Variants in FAAP24 observed in about 807,000 individuals in gnomAD.
The protein encoded by FAAP24 is FA core complex associated protein 24, also known as Fanconi anemia core complex-associated protein 24.
FAAP24 carries 16 observed loss-of-function variants against 14.3 expected under a neutral mutation model. The ratio of observed to expected loss-of-function variants is 1.12; its 90% CI spans 0.76 to 1.69. The LOEUF (loss-of-function observed/expected upper bound fraction) is 1.69, where lower values mean the gene tolerates loss of function less well. FAAP24 is among the 40% of genes most tolerant of loss of function. The pLI is 0.00. For missense variants in FAAP24, 234 were observed against 262.7 expected (o/e 0.89, Z 0.75); for synonymous variants, 111 against 106.2 (o/e 1.04, Z -0.28).
intron 4 of FAAP24, among the ~76,000 whole-genome samples, chr19:32,974,870 GT>G (rs67649404): frequency 0.87 from 131,028 of 149,922 alleles, 57,219 homozygotes; most frequent in South Asian, 0.95. Context: ...CCTTGTGCAA[GT>G]TTTTTTTTTT....
At position 32,977,703 on chromosome 19, in the gene FAAP24, A is replaced by G. The variant is rs1233373603; in HGVS notation, c.*1021A>G. On this transcript the variant is annotated 3_prime_UTR_variant, in exon 5 of 5. Coordinates refer to ENST00000588258, the MANE Select transcript of FAAP24 (RefSeq NM_152266.5). ...TGGGAGGCCAAGGGGGGTGAATCAC[A>G]AGGTCAGGAGATCCAGACCATCCTG... 9.1e-6 allele frequency: 3 copies of G among 330,458 alleles called. No individual in the cohort carries two copies. The highest frequency in any genetic ancestry group is 1.6e-5 in the Non-Finnish European group (3 of 184,540). The allele number at this position is 330,458 out of a possible 1,614,324, so 20.5% of individuals were successfully genotyped here. A position where few individuals can be genotyped will look rare whatever the true frequency, so the allele number is the denominator to read the frequency against.
Position 32,977,826 on chromosome 19 carries a change from C to G in FAAP24, c.*1144C>G. On this transcript the variant is annotated 3_prime_UTR_variant, in exon 5 of 5. Transcript: ENST00000588258. ...CCCAACTACTCAGGAGACTGAGGCA[C>G]GAGAATCGCTTGAACCCAGGAGGTG... 6.2e-6 allele frequency: 1 copy of G among 160,576 alleles called. No homozygotes were observed. Among genetic ancestry groups the G allele is most frequent in the Non-Finnish European group, 1.3e-5 (1 of 75,296 alleles). The allele number at this position is 160,576 out of a possible 1,614,324, so 9.9% of individuals were successfully genotyped here.
At chr19:32,972,769 C>T (rs1161695694) in intron 1 of FAAP24, among the ~76,000 whole-genome samples, 2 of 135,732 alleles carry the variant, frequency 1.5e-5, no homozygotes, top group African/African-American at 5.7e-5. Flanking sequence ...GGCTGGAGTG[C>T]AGTGGCGCGA....
In FAAP24 at chr19:32,972,285, G is replaced by A. The variant is rs1300400293; in HGVS notation, c.-75G>A. The stretch of plus-strand genomic sequence containing the variant: ...GCGGCCACCAGTAACATGATCTCTA[G>A]ACTGGGACGGTGGGGTTCCTGCCGG... On this transcript the variant is annotated 5_prime_UTR_variant, in exon 1 of 5. Coordinates refer to ENST00000588258, the MANE Select transcript of FAAP24 (RefSeq NM_152266.5). 3 of 435,818 alleles carry A rather than the reference G, an allele frequency of 6.9e-6. No individual in the cohort carries two copies. The highest frequency in any genetic ancestry group is 1.2e-5 in the Non-Finnish European group (3 of 245,174). 27.0% of individuals were successfully genotyped at this position (435,818 alleles called of 1,614,324 possible). A position where few individuals can be genotyped will look rare whatever the true frequency, so the allele number is the denominator to read the frequency against.
chr19:32,975,193 A>G (rs1448272218), intron 4 of FAAP24, among the ~76,000 whole-genome samples: 3 of 141,148 alleles, frequency 2.1e-5, no homozygotes, highest in South Asian at 2.3e-4. Flanking sequence ...TTTTTTAGAT[A>G]GGGTCTTGCT....
chr19:32,973,880 A>G (rs1352574712), intron 3 of FAAP24, among the ~76,000 whole-genome samples, 180 bp from the exon 4 acceptor site: 1 of 152,180 alleles, frequency 6.6e-6, no homozygotes, highest in African/African-American at 2.4e-5. Context: ...AAAACAAAAA[A>G]GAAATGTAAG....
Position 32,976,871 on chromosome 19 carries a change from A to C in FAAP24, c.*189A>C. ...AAGACCAGCCTGGCCAACATGGAGA[A>C]ACCCCTAAAAATAGGAACAATTAGC... is the stretch of plus-strand genomic sequence containing the variant. On this transcript the variant is annotated 3_prime_UTR_variant, in exon 5 of 5. Coordinates refer to ENST00000588258, the MANE Select transcript of FAAP24 (RefSeq NM_152266.5). 1.5e-6 allele frequency: 1 copy of C among 665,720 alleles called. No individual in the cohort carries two copies. Among genetic ancestry groups the C allele is most frequent in the Non-Finnish European group, 2.5e-6 (1 of 405,136 alleles). 41.2% of individuals were successfully genotyped at this position (665,720 alleles called of 1,614,324 possible). A position where few individuals can be genotyped will look rare whatever the true frequency, so the allele number is the denominator to read the frequency against.
chr19:32,975,331 G>T (rs538150226), intron 4 of FAAP24, among the ~76,000 whole-genome samples: 1 of 150,150 alleles, frequency 6.7e-6, no homozygotes, highest in Non-Finnish European at 1.5e-5. Flanking sequence ...CACCATGCCC[G>T]GCTAATTTTT....
Position 32,977,322 on chromosome 19 carries a change from T to G in FAAP24, c.*640T>G. The G allele has an allele frequency of 2.5e-6, 1 of 398,626 alleles. No individual in the cohort carries two copies. The highest frequency in any genetic ancestry group is 4.4e-6 in the Non-Finnish European group (1 of 226,110). 24.7% of individuals were successfully genotyped at this position (398,626 alleles called of 1,614,324 possible). A position where few individuals can be genotyped will look rare whatever the true frequency, so the allele number is the denominator to read the frequency against. On this transcript the variant is annotated 3_prime_UTR_variant, in exon 5 of 5. Coordinates refer to ENST00000588258, the MANE Select transcript of FAAP24 (RefSeq NM_152266.5). Reference sequence around the variant, plus strand: ...ACCTGCATCTGTCATGGAAAGTGCCTTCTAAAAAGCTTCAGTGGTGGATGT... The same window carrying G: ...ACCTGCATCTGTCATGGAAAGTGCCGTCTAAAAAGCTTCAGTGGTGGATGT...
In FAAP24 at chr19:32,972,351, G is replaced by C; in HGVS notation, c.-14+5G>C. 2.5e-6 allele frequency: 1 copy of C among 404,976 alleles called. No homozygotes were observed. The highest frequency in any genetic ancestry group is 4.4e-6 in the Non-Finnish European group (1 of 228,940). 25.1% of individuals were successfully genotyped at this position (404,976 alleles called of 1,614,324 possible). On this transcript the variant is annotated splice_donor_5th_base_variant and intron_variant, in intron 1 of 4. Transcript: ENST00000588258. ...GGACTGGACTGAGAAGCTACGGTGC[G>C]GATCCAGCTGGGGTATCAGGGGCTA...
intron 2 of FAAP24, 42 bp from the exon 3 acceptor site, chr19:32,973,384 A>T (rs759032259): frequency 1.2e-6 from 2 of 1,602,342 alleles, no homozygotes; most frequent in Non-Finnish European, 1.7e-6. Flanking sequence ...CCATCTTTTC[A>T]TCCAAAGCTT....
rs1372282903 is a variant in FAAP24 at position 32,976,786 on chromosome 19, G to A, written c.*104G>A. On this transcript the variant is annotated 3_prime_UTR_variant, in exon 5 of 5. Coordinates refer to ENST00000588258, the MANE Select transcript of FAAP24 (RefSeq NM_152266.5). The stretch of plus-strand genomic sequence containing the variant: ...GAATGGGCCGGGTGCACTGGCTCAC[G>A]CCTCTAATCTCAGCACTTTGGGAGG... 3.2e-5 allele frequency: 46 copies of A among 1,428,198 alleles called. No homozygotes were observed. Among genetic ancestry groups the A allele is most frequent in the Admixed American group, 4.4e-5 (2 of 45,584 alleles). 88.5% of individuals were successfully genotyped at this position (1,428,198 alleles called of 1,614,324 possible). A position where few individuals can be genotyped will look rare whatever the true frequency, so the allele number is the denominator to read the frequency against.
chr19:32,973,534 A>G lies in FAAP24; in HGVS notation c.215A>G (p.Tyr72Cys). 6.2e-7 allele frequency: 1 copy of G among 1,614,230 alleles called. No individual in the cohort carries two copies. Among genetic ancestry groups the G allele is most frequent in the Non-Finnish European group, 8.5e-7 (1 of 1,180,032 alleles). ...TEADLVAGNG[Y>C]RKRLVRVRNS... is the part of the protein sequence containing the mutation. ...GCTGATTTGGTGGCAGGAAATGGCT[A>G]CAGAAAGAGGCTTGTTCGGGTTAGA... The change falls in exon 3 of 5, where the codon TAC (tyrosine) becomes TGC (cysteine). Residue 72 changes from tyrosine (Y) to cysteine (C), a missense_variant. Tyr to Cys is a radical substitution (Grantham distance 194, BLOSUM62 -2). Transcript: ENST00000588258.
At position 32,976,484 on chromosome 19, in the gene FAAP24, G is replaced by T. The variant is rs756138269; in HGVS notation, c.450G>T (p.Arg150=). Residue 150 remains arginine (R), a synonymous_variant, in exon 5 of 5, where the codon CGG becomes CGT. Coordinates refer to ENST00000588258, the MANE Select transcript of FAAP24 (RefSeq NM_152266.5). The part of the protein sequence containing the change: ...PSKNPLLGKK[R]ALLLSEPSLL... Reference sequence around the variant, plus strand: ...AGAACCCTCTTCTCGGGAAGAAACGGGCCCTGCTGCTGTCTGAGCCTTCGC... The same window carrying T: ...AGAACCCTCTTCTCGGGAAGAAACGTGCCCTGCTGCTGTCTGAGCCTTCGC... The T allele has an allele frequency of 2.5e-6, 4 of 1,614,182 alleles. No homozygotes were observed. Among genetic ancestry groups the T allele is most frequent in the Non-Finnish European group, 3.4e-6 (4 of 1,180,042 alleles).
chr19:32,976,477 A>AG lies in FAAP24; in HGVS notation c.444dup (p.Lys149GlufsTer8). Reference sequence around the variant, plus strand: ...CCCAGTAAGAACCCTCTTCTCGGGAAGAAACGGGCCCTGCTGCTGTCTGAG... The same window carrying AG: ...CCCAGTAAGAACCCTCTTCTCGGGAAGGAAACGGGCCCTGCTGCTGTCTGAG... On this transcript the variant is annotated frameshift_variant, in exon 5 of 5. Transcript: ENST00000588258. LOFTEE classifies it high-confidence loss of function. The AG allele has an allele frequency of 6.2e-7, 1 of 1,614,230 alleles. No individual in the cohort carries two copies. Among genetic ancestry groups the AG allele is most frequent in the Non-Finnish European group, 8.5e-7 (1 of 1,180,036 alleles).
At chr19:32,975,489 C>T (rs1385572534) in intron 4 of FAAP24, among the ~76,000 whole-genome samples, 5 of 139,124 alleles carry the variant, frequency 3.6e-5, no homozygotes, top group Non-Finnish European at 4.6e-5. Flanking sequence ...GATGGAGTTT[C>T]GCTCTTGTTG....
rs35683181 is a variant in FAAP24, at chr19:32,977,810, T to C, written c.*1128T>C. 0.16 allele frequency: 27,362 copies of C among 168,654 alleles called. 2,360 individuals are homozygous for C. The highest frequency in any genetic ancestry group is 0.19 in the East Asian group (1,217 of 6,242). The allele number at this position is 168,654 out of a possible 1,614,324, so 10.4% of individuals were successfully genotyped here. ...GGCACACACCTGTAATCCCAACTAC[T>C]CAGGAGACTGAGGCACGAGAATCGC... On this transcript the variant is annotated 3_prime_UTR_variant, in exon 5 of 5. Transcript: ENST00000588258.
chr19:32,973,566 A>G lies in FAAP24; in HGVS notation c.243+4A>G. Reference sequence around the variant, plus strand: ...GAGGCTTGTTCGGGTTAGAAATGTAAGTATTAGGCTGGGTGCTGTGGCTCA... The same window carrying G: ...GAGGCTTGTTCGGGTTAGAAATGTAGGTATTAGGCTGGGTGCTGTGGCTCA... On this transcript the variant is annotated splice_donor_region_variant and intron_variant, in intron 3 of 4. Coordinates refer to ENST00000588258, the MANE Select transcript of FAAP24 (RefSeq NM_152266.5). The G allele has an allele frequency of 6.2e-7, 1 of 1,614,086 alleles. No homozygotes were observed. The highest frequency in any genetic ancestry group is 8.5e-7 in the Non-Finnish European group (1 of 1,179,996).
At chr19:32,973,135 C>A in intron 1 of FAAP24, 49 bp from the exon 2 acceptor site, 2 of 1,447,488 alleles carry the variant, frequency 1.4e-6, no homozygotes, top group Non-Finnish European at 9.7e-7. Context: ...AATGCAGGGC[C>A]GTGTGCAGGA....
Sources: allele counts gnomAD v4.1 joint callset (sites outside exome capture counted in the v4.1 genomes callset), GRCh38; gene constraint gnomAD v4.1.1; transcripts MANE v1.5; gene names NCBI Gene and HGNC (gene_info 2026-07-23, HGNC 2026-07-21).